Variants in PARD3 observed in about 807,000 individuals in gnomAD.
PARD3 encodes the protein par-3 family cell polarity regulator.
Under a neutral mutation model 155.4 loss-of-function variants are expected in PARD3, and 75 were observed. The observed-to-expected ratio is 0.48, with a 90% CI of 0.40 to 0.58. PARD3 has a LOEUF of 0.58. PARD3 is among the 20% of genes least tolerant of loss of function. The pLI is 0.00. For missense variants in PARD3, 1,642 were observed against 1,721.7 expected (o/e 0.95, Z 0.82); for synonymous variants, 576 against 610.5 (o/e 0.94, Z 0.83).
intron 22 of PARD3, among the ~76,000 whole-genome samples, chr10:34,216,226 T>C (rs1046202037): frequency 6.6e-5 from 10 of 152,140 alleles, no homozygotes; most frequent in Admixed American, 6.5e-5. Flanking sequence ...ATGCACAAAA[T>C]TGAGCAAGTG....
intron 2 of PARD3, among the ~76,000 whole-genome samples, chr10:34,685,978 C>T (rs2093949865): frequency 6.6e-6 from 1 of 152,162 alleles, no homozygotes; most frequent in Non-Finnish European, 1.5e-5. Flanking sequence ...GGGATCCCCA[C>T]CCTGCAACTC....
At chr10:34,546,044 C>T (rs188136794) in intron 2 of PARD3, among the ~76,000 whole-genome samples, 23 of 151,942 alleles carry the variant, frequency 1.5e-4, no homozygotes, top group African/African-American at 5.1e-4. Context: ...ATGTCTTTAA[C>T]GTAAAAGTAT....
chr10:34,727,730 C>T (rs2094740517), intron 1 of PARD3, among the ~76,000 whole-genome samples: 2 of 152,116 alleles, frequency 1.3e-5, no homozygotes, highest in South Asian at 4.1e-4. Context: ...TTCCTCCAGC[C>T]CTGTTACGAA....
chr10:34,310,504 T>C (rs1249935374), intron 20 of PARD3, among the ~76,000 whole-genome samples: 2 of 152,216 alleles, frequency 1.3e-5, no homozygotes, highest in Non-Finnish European at 2.9e-5. Context: ...GCATTCTATA[T>C]TCATGCCACA....
intron 14 of PARD3, among the ~76,000 whole-genome samples, chr10:34,349,505 G>T (rs1474612051): frequency 7.2e-6 from 1 of 138,606 alleles, no homozygotes; most frequent in Non-Finnish European, 1.5e-5. Context: ...AATATTCAAG[G>T]TCTCTGATGT....
chr10:34,719,419 T>C (rs2094570181), intron 1 of PARD3, among the ~76,000 whole-genome samples: 1 of 152,198 alleles, frequency 6.6e-6, no homozygotes, highest in Admixed American at 6.5e-5. Flanking sequence ...TTCTCATCCC[T>C]CCAATCTTGT....
chr10:34,243,298 T>G (rs1225397017), intron 22 of PARD3, among the ~76,000 whole-genome samples: 1 of 152,206 alleles, frequency 6.6e-6, no homozygotes, highest in East Asian at 1.9e-4. Context: ...AAACACTAGA[T>G]AGATGCAAAT....
At chr10:34,785,901 A>C (rs1027068616) in intron 1 of PARD3, among the ~76,000 whole-genome samples, 1 of 152,206 alleles carries the variant, frequency 6.6e-6, no homozygotes, top group African/African-American at 2.4e-5. Context: ...TAGTTCAAAG[A>C]AGCACTTTGT....
intron 3 of PARD3, among the ~76,000 whole-genome samples, chr10:34,474,503 A>G (rs2078574500): frequency 6.6e-6 from 1 of 152,240 alleles, no homozygotes; most frequent in Non-Finnish European, 1.5e-5. Context: ...TTTCACACAC[A>G]CATACACACG....
At chr10:34,208,789 T>C (rs77483332) in intron 22 of PARD3, among the ~76,000 whole-genome samples, 7,343 of 152,188 alleles carry the variant, frequency 0.048, 619 homozygotes, top group African/African-American at 0.17. Context: ...CAGCATGGTG[T>C]GGGGCAAGCA....
intron 1 of PARD3, among the ~76,000 whole-genome samples, chr10:34,709,148 G>A (rs2094413433): frequency 6.6e-6 from 1 of 152,104 alleles, no homozygotes. Context: ...ACATGCACAT[G>A]AGATTTCTCG....
At chr10:34,126,535 C>T (rs185701691) in intron 23 of PARD3, among the ~76,000 whole-genome samples, 1 of 152,268 alleles carries the variant, frequency 6.6e-6, no homozygotes, top group Non-Finnish European at 1.5e-5. Flanking sequence ...TGATTACAAA[C>T]CATTCCAAAG....
chr10:34,730,899 A>G (rs962134515), intron 1 of PARD3, among the ~76,000 whole-genome samples: 2 of 152,246 alleles, frequency 1.3e-5, no homozygotes, highest in Admixed American at 6.5e-5. Flanking sequence ...ACACACAAGG[A>G]AAGAACCACA....
chr10:34,612,309 C>T (rs919976729), intron 2 of PARD3, among the ~76,000 whole-genome samples: 4 of 152,026 alleles, frequency 2.6e-5, no homozygotes, highest in African/African-American at 9.7e-5. Flanking sequence ...TTAACAAATC[C>T]TATTCCAAAT....
chr10:34,405,476 A>G lies in PARD3; in HGVS notation c.715-3559T>C, dbSNP rs185345708. 8.5e-5 allele frequency among the ~76,000 whole-genome samples: 13 copies of G among 152,312 alleles called. No individual in the cohort carries two copies. The East Asian group carries it at 2.5e-3, about 29-fold the overall frequency. On this transcript the variant is annotated intron_variant, in intron 5 of 24. Coordinates refer to ENST00000374788, the MANE Select transcript of PARD3 (RefSeq NM_001184785.2). ...ATATTTACTGTGCTTTGCTATATAC[A>G]AAATATTTTCAATGTAGAATGTCTT...
intron 21 of PARD3, among the ~76,000 whole-genome samples, chr10:34,270,751 G>A (rs1260818211): frequency 6.6e-6 from 1 of 151,990 alleles, no homozygotes; most frequent in Non-Finnish European, 1.5e-5. Flanking sequence ...TCATTTCATG[G>A]GATGCATACA....
At chr10:34,217,960 G>T (rs1234778059) in intron 22 of PARD3, among the ~76,000 whole-genome samples, 2 of 152,090 alleles carry the variant, frequency 1.3e-5, no homozygotes, top group Admixed American at 6.6e-5. Flanking sequence ...GGACACATTG[G>T]GGGGCAGGAG....
chr10:34,605,042 G>T (rs964334132), intron 2 of PARD3, among the ~76,000 whole-genome samples: 35 of 151,782 alleles, frequency 2.3e-4, no homozygotes, highest in African/African-American at 8.5e-4. Flanking sequence ...TTCTCTTCTG[G>T]TGATTATTAT....
At chr10:34,745,848 C>A (rs865945671) in intron 1 of PARD3, among the ~76,000 whole-genome samples, 1 of 152,152 alleles carries the variant, frequency 6.6e-6, no homozygotes, top group Admixed American at 6.5e-5. Flanking sequence ...CGCCTGTAAT[C>A]CCAGCACTTT....
Sources: allele counts gnomAD v4.1 joint callset (sites outside exome capture counted in the v4.1 genomes callset), GRCh38; gene constraint gnomAD v4.1.1; transcripts MANE v1.5; gene names NCBI Gene and HGNC (gene_info 2026-07-23, HGNC 2026-07-21).